Variants in ZNF273 observed in about 807,000 individuals in gnomAD.
ZNF273 encodes zinc finger protein 273.
A neutral mutation model predicts 14.9 loss-of-function variants in ZNF273; 11 were observed. That is an observed-to-expected ratio of 0.74 (90% CI 0.46 to 1.22). The LOEUF is 1.22. Ranked by LOEUF, ZNF273 falls within the 50% of genes most tolerant of loss-of-function variation. ZNF273 has a pLI of 0.00. For synonymous variants in ZNF273, 199 were observed against 223.9 expected (o/e 0.89, Z 0.99); for missense variants, 577 against 660.6 (o/e 0.87, Z 1.39).
chr7:64,884,690 C>T (rs1221401101), downstream of ZNF273, among the ~76,000 whole-genome samples: 1 of 152,212 alleles, frequency 6.6e-6, no homozygotes, highest in Non-Finnish European at 1.5e-5. Context: ...GGAGATCCCT[C>T]AACAACTCAC....
downstream of ZNF273, among the ~76,000 whole-genome samples, chr7:64,881,769 A>G (rs542454450): frequency 6.6e-6 from 1 of 152,098 alleles, no homozygotes; most frequent in East Asian, 1.9e-4. Context: ...ACTCTGCGGG[A>G]GGCTCTTGGG....
In ZNF273 at chr7:64,918,342, A is replaced by G. The variant is rs756371871; in HGVS notation, c.325+50A>G. ...AACAGATGACACAGATGACAGGTCT[A>G]AAGGTCAAGGAGAAAGTCAGTTCTT... On this transcript the variant is annotated intron_variant, in intron 3 of 3. Coordinates refer to ENST00000476120, the MANE Select transcript of ZNF273 (RefSeq NM_021148.3). 7 of 1,481,124 alleles carry G rather than the reference A, an allele frequency of 4.7e-6. No individual in the cohort carries two copies. In the African/African-American group the frequency reaches 5.7e-5, roughly 12 times the overall value. The allele number at this position is 1,481,124 out of a possible 1,614,324, so 91.7% of individuals were successfully genotyped here.
At chr7:64,914,677 C>T (rs1228056847) in intron 1 of ZNF273, among the ~76,000 whole-genome samples, 1 of 152,122 alleles carries the variant, frequency 6.6e-6, no homozygotes, top group African/African-American at 2.4e-5. Flanking sequence ...TAAAGAGAAA[C>T]TTTATTTTTA....
intron 1 of ZNF273, among the ~76,000 whole-genome samples, chr7:64,907,298 A>G (rs1793183860): frequency 6.6e-6 from 1 of 152,198 alleles, no homozygotes; most frequent in African/African-American, 2.4e-5. Context: ...GGAGAGCACA[A>G]AGGATGGATA....
downstream of ZNF273, among the ~76,000 whole-genome samples, chr7:64,931,192 AAAC>A (rs1301734605): frequency 6.6e-6 from 1 of 152,162 alleles, no homozygotes; most frequent in Non-Finnish European, 1.5e-5. Context: ...TATTGGAACA[AAAC>A]AAATCATTTT....
downstream of ZNF273, among the ~76,000 whole-genome samples, chr7:64,894,591 TA>T (rs11334125): frequency 0.53 from 78,975 of 148,406 alleles, 20,656 homozygotes; most frequent in East Asian, 0.65. Context: ...GTCACAACAG[TA>T]AAAAAAAAAA....
At chr7:64,899,569 C>G (rs1255601772), upstream of ZNF273, among the ~76,000 whole-genome samples, 2 of 151,374 alleles carry the variant, frequency 1.3e-5, no homozygotes, top group African/African-American at 4.9e-5. Context: ...GCAAGAGAAT[C>G]ACTTGAAACT....
intron 3 of ZNF273, chr7:64,923,403 T>G (rs1200248193): frequency 2.2e-6 from 1 of 454,298 alleles, no homozygotes; most frequent in African/African-American, 2.0e-5. Flanking sequence ...TGCAGTGGCG[T>G]GATCTTGGGT....
At chr7:64,913,727 C>A (rs962989921) in intron 1 of ZNF273, among the ~76,000 whole-genome samples, 1 of 152,148 alleles carries the variant, frequency 6.6e-6, no homozygotes, top group Non-Finnish European at 1.5e-5. Context: ...TCAGCATTGA[C>A]GAGGACTTGT....
intron 1 of ZNF273, among the ~76,000 whole-genome samples, chr7:64,908,510 T>G (rs1386128914): frequency 6.6e-6 from 1 of 152,218 alleles, no homozygotes; most frequent in Non-Finnish European, 1.5e-5. Flanking sequence ...CAGGCTACAG[T>G]GCAGTGGCAT....
chr7:64,886,199 C>T (rs2129035616), intron 1 of ZNF273, among the ~76,000 whole-genome samples: 1 of 152,336 alleles, frequency 6.6e-6, no homozygotes, highest in East Asian at 1.9e-4. Context: ...CAGCTCAGCA[C>T]ACAGTAGGCT....
intron 1 of ZNF273, among the ~76,000 whole-genome samples, chr7:64,911,280 CT>C (rs58701857): frequency 0.029 from 3,656 of 128,270 alleles, 55 homozygotes; most frequent in Non-Finnish European, 0.037. Flanking sequence ...GTGAACTAGC[CT>C]TTTTTTTTTT....
chr7:64,904,181 C>T (rs1792929456), intron 1 of ZNF273, among the ~76,000 whole-genome samples: 2 of 152,144 alleles, frequency 1.3e-5, no homozygotes, highest in African/African-American at 2.4e-5. Flanking sequence ...CAACGCCTCC[C>T]GGGTTCATGC....
chr7:64,927,547 C>G, intron 3 of ZNF273, 107 bp from the exon 4 acceptor site: 2 of 925,576 alleles, frequency 2.2e-6, no homozygotes, highest in Non-Finnish European at 3.2e-6. Flanking sequence ...TGGTATTTTG[C>G]TATACCATCT....
At chr7:64,879,517 A>G (rs1054958661) in exon 3 of ZNF273, 2 of 151,878 alleles carry the variant, frequency 1.3e-5, no homozygotes, top group Admixed American at 6.6e-5. Flanking sequence ...TGGGATGCCA[A>G]CTCCAGGTGT....
intron 1 of ZNF273, 79 bp from the exon 2 acceptor site, chr7:64,917,502 G>A (rs759372744): frequency 7.3e-5 from 112 of 1,537,088 alleles, no homozygotes; most frequent in African/African-American, 1.4e-4. Flanking sequence ...CTTTACTTTC[G>A]CATTCCACCT....
chr7:64,932,838 T>C (rs550280813), downstream of ZNF273, among the ~76,000 whole-genome samples: 4 of 152,178 alleles, frequency 2.6e-5, no homozygotes, highest in East Asian at 7.8e-4. Flanking sequence ...AGGAGAATCA[T>C]TTGAACGCGG....
intron 2 of ZNF273, chr7:64,878,589 T>C (rs1791175999): frequency 6.6e-6 from 1 of 152,250 alleles, no homozygotes; most frequent in East Asian, 1.9e-4. Flanking sequence ...CTTCCAACTC[T>C]AGTCCTGCAT....
chr7:64,883,526 G>A (rs1406700652), downstream of ZNF273, among the ~76,000 whole-genome samples: 2 of 152,180 alleles, frequency 1.3e-5, no homozygotes, highest in Admixed American at 6.5e-5. Context: ...ACCTTCATCT[G>A]CTAAACAGGT....
Sources: gnomAD v4.1 joint callset for allele counts (sites outside exome capture counted in the v4.1 genomes callset) on GRCh38, gnomAD v4.1.1 for gene constraint, MANE v1.5 for transcripts, NCBI Gene and HGNC (gene_info 2026-07-23, HGNC 2026-07-21) for gene names.